TFR2: variants seen among roughly 807,000 people sequenced by gnomAD.
TFR2 encodes the protein transferrin receptor protein 2.
In TFR2, 64 loss-of-function variants were observed where a neutral mutation model predicts 91.9. That is an observed-to-expected ratio of 0.70 (90% CI 0.57 to 0.86). The LOEUF is 0.86. Ranked by LOEUF, TFR2 falls within the 40% of genes least tolerant of loss-of-function variation. The pLI, the probability that TFR2 is intolerant of heterozygous loss-of-function variation, is 0.00. For missense variants in TFR2, 950 were observed against 1,080.5 expected (o/e 0.88, Z 1.69); for synonymous variants, 454 against 459.6 (o/e 0.99, Z 0.15).
intron 17 of TFR2, among the ~76,000 whole-genome samples, chr7:100,622,549 T>C (rs1803138580): frequency 6.6e-6 from 1 of 152,170 alleles, no homozygotes; most frequent in Non-Finnish European, 1.5e-5. Context: ...AACTATATGA[T>C]TTCAGGTAAG....
At chr7:100,628,372 T>C in intron 10 of TFR2, 66 bp from the exon 11 acceptor site, 1 of 1,492,924 alleles carries the variant, frequency 6.7e-7, no homozygotes, top group South Asian at 1.1e-5. Flanking sequence ...CCTTGTCTTC[T>C]TCTGTCCTGG....
chr7:100,641,131 C>T lies in TFR2; in HGVS notation c.131G>A (p.Gly44Glu), dbSNP rs762371817. Residue 44 changes from glycine to glutamate, a missense_variant, in exon 2 of 18, where the codon GGG becomes GAG. Transcript: ENST00000223051. ...LEEEEEDGEE[G>E]AETLAHFCPM... Reference sequence around the variant, plus strand: ...GCAGAAGTGGGCCAATGTCTCCGCCCCCTCCTCCCCGTCTTCCTCTTCCTC... The same window carrying T: ...GCAGAAGTGGGCCAATGTCTCCGCCTCCTCCTCCCCGTCTTCCTCTTCCTC... The T allele has an allele frequency of 5.8e-6, 9 of 1,560,312 alleles. No individual in the cohort carries two copies. Among genetic ancestry groups the T allele is most frequent in the Non-Finnish European group, 7.8e-6 (9 of 1,153,172 alleles).
intron 3 of TFR2, among the ~76,000 whole-genome samples, chr7:100,636,390 G>T (rs559831403): frequency 6.6e-6 from 1 of 152,098 alleles, no homozygotes; most frequent in Non-Finnish European, 1.5e-5. Flanking sequence ...TGGCCAGGCT[G>T]GTCTCAAACT....
At position 100,632,143 on chromosome 7, in the gene TFR2, G is replaced by T. The variant is rs139984206; in HGVS notation, c.905C>A (p.Ala302Glu). Residue 302 changes from alanine (A) to glutamate (E), a missense_variant, in exon 7 of 18, where the codon GCG (alanine) becomes GAG (glutamate). Transcript: ENST00000223051. ...CTTGGGTGGGTCCTGGGAGAAGTCCGCTGGCTCTGGGTATATGAGCACTCC... is the reference window on the plus strand; with the variant it reads ...CTTGGGTGGGTCCTGGGAGAAGTCCTCTGGCTCTGGGTATATGAGCACTCC... ...AQGVLIYPEP[A>E]DFSQDPPKPS... The T allele has an allele frequency of 1.2e-6, 2 of 1,614,082 alleles. No homozygotes were observed. The highest frequency in any genetic ancestry group is 1.7e-6 in the Non-Finnish European group (2 of 1,180,008).
intron 8 of TFR2, chr7:100,631,479 C>T (rs529533599): frequency 1.6e-4 from 50 of 307,536 alleles, no homozygotes; most frequent in Non-Finnish European, 2.7e-4. Context: ...AAAAATTAGC[C>T]GGGCGTGGTG....
In TFR2 at chr7:100,631,825, T is replaced by A. The variant is rs148115888; in HGVS notation, c.1087A>T (p.Ile363Phe). The change falls in exon 8 of 18, where the codon ATT (isoleucine) becomes TTT (phenylalanine). Residue 363 changes from isoleucine (I) to phenylalanine (F), a missense_variant. Ile to Phe is a conservative substitution (Grantham distance 21). Transcript: ENST00000223051. ...CCTCACCTCAGCAGGCGGGAGGCAA[T>A]GTCTGCACTGATGGGCTGGGCTGGG... Reference protein sequence around the residue: ...SIPAQPISADIASRLLRKLKG... With the variant: ...SIPAQPISADFASRLLRKLKG... 24 of 1,613,332 alleles carry A rather than the reference T, an allele frequency of 1.5e-5. No individual in the cohort carries two copies. In the African/African-American group the frequency reaches 2.5e-4, roughly 17 times the overall value.
At chr7:100,638,449 T>TA (rs963945069) in intron 3 of TFR2, among the ~76,000 whole-genome samples, 4 of 149,734 alleles carry the variant, frequency 2.7e-5, no homozygotes, top group Non-Finnish European at 5.9e-5. Flanking sequence ...TCGTTTCTAC[T>TA]AAAAAAAATT....
At chr7:100,631,442 C>T in intron 8 of TFR2, 1 of 254,344 alleles carries the variant, frequency 3.9e-6, no homozygotes, top group South Asian at 4.0e-5. Flanking sequence ...GTCTGGCCAA[C>T]ATGGTGAAAC....
chr7:100,634,320 C>A (rs1803534284), intron 3 of TFR2, among the ~76,000 whole-genome samples: 1 of 152,088 alleles, frequency 6.6e-6, no homozygotes, highest in Non-Finnish European at 1.5e-5. Context: ...CACTTTACAC[C>A]AAGGTACTCA....
At chr7:100,632,870 T>C in intron 6 of TFR2, 131 bp downstream of exon 6, 1 of 1,509,880 alleles carries the variant, frequency 6.6e-7, no homozygotes, top group Non-Finnish European at 9.2e-7. Flanking sequence ...CGTGCCCAGC[T>C]TATATTTTCT....
chr7:100,628,198 A>G, intron 11 of TFR2, 26 bp downstream of exon 11: 1 of 1,613,312 alleles, frequency 6.2e-7, no homozygotes, highest in Non-Finnish European at 8.5e-7. Flanking sequence ...CCAATGCCTA[A>G]CGACCTGCCC....
chr7:100,627,318 C>G lies in TFR2; in HGVS notation c.1941G>C (p.Gly647=), dbSNP rs111760099. Reference sequence around the variant, plus strand: ...TCCCGATGTGCCTGAGGACGACGTCCCCGTAGCGGCCGAAGTCGAGGGGCA... The same window carrying G: ...TCCCGATGTGCCTGAGGACGACGTCGCCGTAGCGGCCGAAGTCGAGGGGCA... ...RLLPLDFGRY[G]DVVLRHIGNL... Residue 647 remains glycine (G), a synonymous_variant, in exon 16 of 18, where the codon GGG becomes GGC. Transcript: ENST00000223051. 1 of 1,550,162 alleles carries G rather than the reference C, an allele frequency of 6.5e-7. No homozygotes were observed. Among genetic ancestry groups the G allele is most frequent in the Non-Finnish European group, 8.7e-7 (1 of 1,146,944 alleles).
At chr7:100,633,589 G>A in intron 3 of TFR2, 33 bp from the exon 4 acceptor site, 1 of 1,582,860 alleles carries the variant, frequency 6.3e-7, no homozygotes, top group Non-Finnish European at 8.6e-7. Context: ...TTTTCTGGGC[G>A]CCCGGAGGAG....
At chr7:100,627,069 G>A (rs1444977696) in intron 16 of TFR2, among the ~76,000 whole-genome samples, 166 bp from the exon 17 acceptor site, 3 of 152,128 alleles carry the variant, frequency 2.0e-5, no homozygotes, top group African/African-American at 4.8e-5. Flanking sequence ...GAAGGGAGTG[G>A]GGAGAAGATC....
At chr7:100,640,416 A>G in intron 3 of TFR2, 1 of 531,478 alleles carries the variant, frequency 1.9e-6, no homozygotes, top group Admixed American at 3.2e-5. Flanking sequence ...GTCCAGTCTG[A>G]TACTGGATGC....
intron 8 of TFR2, 66 bp from the exon 9 acceptor site, chr7:100,631,118 T>C (rs1279362001): frequency 1.4e-6 from 2 of 1,426,934 alleles, no homozygotes; most frequent in East Asian, 5.0e-5. Context: ...AATCACTCTT[T>C]TCCTTATTTC....
intron 6 of TFR2, chr7:100,632,720 A>C: frequency 4.1e-6 from 1 of 241,134 alleles, no homozygotes; most frequent in African/African-American, 2.6e-5. Context: ...AGCTAACTAA[A>C]AAAAAAAAAA....
At chr7:100,628,050 G>A (rs1803318499) in intron 12 of TFR2, 23 bp downstream of exon 12, 8 of 1,614,086 alleles carry the variant, frequency 5.0e-6, no homozygotes, top group Non-Finnish European at 6.8e-6. Flanking sequence ...AGGGGGCCAG[G>A]TGGTGGCACT....
chr7:100,640,897 C>T, intron 2 of TFR2, 25 bp from the exon 3 acceptor site: 4 of 1,613,880 alleles, frequency 2.5e-6, no homozygotes, highest in Non-Finnish European at 3.4e-6. Flanking sequence ...GATGGGGATT[C>T]TCTTTATGCC....
Sources: allele counts gnomAD v4.1 joint callset (sites outside exome capture counted in the v4.1 genomes callset), GRCh38; gene constraint gnomAD v4.1.1; transcripts MANE v1.5; gene names NCBI Gene and HGNC (gene_info 2026-07-23, HGNC 2026-07-21).